Variants in ATP13A4 observed in about 807,000 individuals in gnomAD.
ATP13A4 encodes the protein probable cation-transporting ATPase 13A4.
In ATP13A4, 114 loss-of-function variants were observed where a neutral mutation model predicts 142.5. That is an observed-to-expected ratio of 0.80 (90% CI 0.69 to 0.93). The LOEUF (loss-of-function observed/expected upper bound fraction) is 0.93, where lower values mean the gene tolerates loss of function less well. Ranked by LOEUF, ATP13A4 falls within the 40% of genes least tolerant of loss-of-function variation. The probability of loss-of-function intolerance (pLI) is 0.00; values close to 1 mark genes in which losing one functional copy is unlikely to be tolerated. For missense variants in ATP13A4, 1,392 were observed against 1,454.0 expected (o/e 0.96, Z 0.69); for synonymous variants, 488 against 514.8 (o/e 0.95, Z 0.70).
intron 7 of ATP13A4, among the ~76,000 whole-genome samples, chr3:193,485,493 G>A (rs1341149137): frequency 6.6e-6 from 1 of 152,300 alleles, no homozygotes. Flanking sequence ...CAGTGGAGAC[G>A]TCCAGAGGCT....
intron 2 of ATP13A4, among the ~76,000 whole-genome samples, chr3:193,566,584 A>T (rs1724139825): frequency 6.6e-6 from 1 of 152,154 alleles, no homozygotes; most frequent in Admixed American, 6.5e-5. Context: ...ACGCAAACAC[A>T]AACTCATACA....
intron 1 of ATP13A4, among the ~76,000 whole-genome samples, chr3:193,532,161 C>A (rs1722371200): frequency 6.6e-6 from 1 of 151,920 alleles, no homozygotes; most frequent in Non-Finnish European, 1.5e-5. Flanking sequence ...ATTCTTATCA[C>A]AATGGCATTT....
At chr3:193,579,268 C>A in intron 2 of ATP13A4, 2 of 177,606 alleles carry the variant, frequency 1.1e-5, no homozygotes, top group South Asian at 2.5e-4. Context: ...CACTCTTTCC[C>A]ATCTCAGCAG....
At chr3:193,481,549 T>C (rs1719293864) in intron 8 of ATP13A4, among the ~76,000 whole-genome samples, 1 of 151,946 alleles carries the variant, frequency 6.6e-6, no homozygotes, top group Non-Finnish European at 1.5e-5. Flanking sequence ...CAGGATGTAT[T>C]ACAAATTATT....
At chr3:193,462,704 G>T (rs1028920009) in intron 13 of ATP13A4, 58 bp downstream of exon 13, 14 of 1,518,306 alleles carry the variant, frequency 9.2e-6, no homozygotes, top group Non-Finnish European at 1.3e-5. Flanking sequence ...GAGAAAACAC[G>T]GAATTTTGGA....
At chr3:193,537,276 G>A (rs1278449485) in intron 1 of ATP13A4, among the ~76,000 whole-genome samples, 2 of 152,038 alleles carry the variant, frequency 1.3e-5, no homozygotes, top group African/African-American at 4.8e-5. Flanking sequence ...AGAGAAAACT[G>A]AGAAACAGAC....
chr3:193,527,940 G>A, intron 1 of ATP13A4, among the ~76,000 whole-genome samples: 1 of 152,072 alleles, frequency 6.6e-6, no homozygotes, highest in East Asian at 1.9e-4. Context: ...TGTAGCAATA[G>A]GAACCTTCTG....
intron 25 of ATP13A4, among the ~76,000 whole-genome samples, chr3:193,418,233 C>A (rs112190874): frequency 0.039 from 5,229 of 134,564 alleles, 289 homozygotes; most frequent in African/African-American, 0.087. Flanking sequence ...AGGAGAATGG[C>A]GTGAACCCCG....
intron 8 of ATP13A4, among the ~76,000 whole-genome samples, chr3:193,475,093 T>A (rs1718890852): frequency 6.6e-6 from 1 of 152,076 alleles, no homozygotes; most frequent in South Asian, 2.1e-4. Context: ...TTGGCAATAT[T>A]TTTCTAGCAA....
At chr3:193,435,515 G>T in intron 24 of ATP13A4, 133 bp downstream of exon 24, 2 of 798,596 alleles carry the variant, frequency 2.5e-6, no homozygotes, top group Admixed American at 3.6e-5. Flanking sequence ...AAATTCTTAA[G>T]GATATTTTTG....
chr3:193,561,288 T>A (rs2108736616), intron 2 of ATP13A4, among the ~76,000 whole-genome samples: 1 of 152,334 alleles, frequency 6.6e-6, no homozygotes, highest in South Asian at 2.1e-4. Flanking sequence ...ACCCAGGAAC[T>A]GGGCTGAGGC....
rs1715241678 is a variant in ATP13A4 at position 193,418,631 on chromosome 3, G to A, written c.2843-3881C>T. Among the ~76,000 whole-genome samples the A allele has an allele frequency of 1.3e-5, 2 of 149,666 alleles. 1 individual carries two copies. Among genetic ancestry groups the A allele is most frequent in the Non-Finnish European group, 3.0e-5 (2 of 67,784 alleles). The stretch of plus-strand genomic sequence containing the variant: ...CTCCTTGTGGGGAAAAGGTAAGCAA[G>A]AGGACCCCAGCAGCCCCCATCAACA... On this transcript the variant is annotated intron_variant, in intron 25 of 29. Coordinates refer to ENST00000342695, the MANE Select transcript of ATP13A4 (RefSeq NM_032279.4).
chr3:193,574,881 T>G (rs1724361033), intron 2 of ATP13A4, among the ~76,000 whole-genome samples: 1 of 152,148 alleles, frequency 6.6e-6, no homozygotes, highest in South Asian at 2.1e-4. Flanking sequence ...TTGTAGCCAG[T>G]GGGCAGACTA....
chr3:193,584,644 T>A (rs1724634640), intron 1 of ATP13A4, among the ~76,000 whole-genome samples: 1 of 152,042 alleles, frequency 6.6e-6, no homozygotes, highest in South Asian at 2.1e-4. Context: ...AAAGATACAT[T>A]TTAAAATGTT....
At chr3:193,470,715 T>C in intron 9 of ATP13A4, 144 bp downstream of exon 9, 1 of 1,156,484 alleles carries the variant, frequency 8.6e-7, no homozygotes. Flanking sequence ...TAAGTAAGAT[T>C]TGTGGCAACG....
intron 25 of ATP13A4, among the ~76,000 whole-genome samples, chr3:193,431,878 C>A (rs915169099): frequency 9.2e-5 from 14 of 151,936 alleles, no homozygotes; most frequent in African/African-American, 3.4e-4. Flanking sequence ...TCCTACTGAA[C>A]AACTGCATAA....
intron 24 of ATP13A4, among the ~76,000 whole-genome samples, chr3:193,434,302 C>A (rs560756321): frequency 9.9e-5 from 15 of 152,220 alleles, no homozygotes; most frequent in African/African-American, 3.1e-4. Flanking sequence ...TGTGTGGTAA[C>A]CTTACATAAG....
At position 193,531,271 on chromosome 3, in the gene ATP13A4, T is replaced by TGAGGGAGG. The variant is rs1193661259; in HGVS notation, c.61-16408_61-16401dup. Among the ~76,000 whole-genome samples the TGAGGGAGG allele has an allele frequency of 1.6e-3, 125 of 78,290 alleles. 1 individual carries two copies. The East Asian group carries it at 0.017, about 11-fold the overall frequency. 51.4% of individuals were successfully genotyped at this position (78,290 alleles called of 152,430 possible). A position where few individuals can be genotyped will look rare whatever the true frequency, so the allele number is the denominator to read the frequency against. On this transcript the variant is annotated intron_variant, in intron 1 of 29. Transcript: ENST00000342695. Reference sequence around the variant, plus strand: ...TTGTACACAATAAGGGCTCAATAAGTGAGGGAGGGAGGGAGGGAGGGAGGG... The same window carrying TGAGGGAGG: ...TTGTACACAATAAGGGCTCAATAAGTGAGGGAGGGAGGGAGGGAGGGAGGGAGGGAGGG...
chr3:193,459,024 C>A, intron 14 of ATP13A4, 57 bp downstream of exon 14: 1 of 1,600,712 alleles, frequency 6.2e-7, no homozygotes, highest in East Asian at 2.2e-5. Flanking sequence ...CTGATATTGC[C>A]TATGTTGCTC....
Sources: gnomAD v4.1 joint callset for allele counts (sites outside exome capture counted in the v4.1 genomes callset) on GRCh38, gnomAD v4.1.1 for gene constraint, MANE v1.5 for transcripts, NCBI Gene and HGNC (gene_info 2026-07-23, HGNC 2026-07-21) for gene names.